The following CELSR1 variants were observed in gnomAD, a reference collection of about 807,000 sequenced individuals.
CELSR1 encodes cadherin EGF LAG seven-pass G-type receptor 1.
In CELSR1, 110 loss-of-function variants were observed where a neutral mutation model predicts 249.1. The observed-to-expected ratio is 0.44, with a 90% CI of 0.38 to 0.52. The LOEUF (loss-of-function observed/expected upper bound fraction) is 0.52. Among genes scored for constraint, CELSR1 ranks in the 20% least tolerant of loss-of-function variants. CELSR1 has a pLI of 0.00. For synonymous variants in CELSR1, 2,113 were observed against 1,900.0 expected (o/e 1.11, Z -2.92); for missense variants, 4,109 against 4,296.4 (o/e 0.96, Z 1.22).
At chr22:46,505,879 C>T (rs562716907) in intron 1 of CELSR1, among the ~76,000 whole-genome samples, 4 of 152,092 alleles carry the variant, frequency 2.6e-5, no homozygotes, top group African/African-American at 9.6e-5. Flanking sequence ...CTTGCCTTCC[C>T]GTCAAAAAGA....
In CELSR1 at chr22:46,369,728, A is replaced by C. The variant is rs764591466; in HGVS notation, c.7836T>G (p.Ile2612Met). ...FCWLSLQDTL[I>M]WSFAGPIGAV... ...CTCCGATGGGCCCCGCAAAGCTCCAAATCAGGGTGTCTTGAAGCGACAGCC... is the reference window on the plus strand; with the variant it reads ...CTCCGATGGGCCCCGCAAAGCTCCACATCAGGGTGTCTTGAAGCGACAGCC... The change falls in exon 26 of 35, where the codon ATT (isoleucine) becomes ATG (methionine). Residue 2612 changes from isoleucine to methionine, a missense_variant. Ile to Met is a conservative substitution (Grantham distance 10, BLOSUM62 1). Coordinates refer to ENST00000674500, the MANE Select transcript of CELSR1 (RefSeq NM_001378328.1). The C allele has an allele frequency of 1.9e-6, 3 of 1,613,344 alleles. No homozygotes were observed. The highest frequency in any genetic ancestry group is 1.7e-5 in the Admixed American group (1 of 60,004).
Position 46,445,998 on chromosome 22 carries a change from T to C in CELSR1, c.4184-6587A>G, listed in dbSNP as rs917001380. Among the ~76,000 whole-genome samples, 7 of 152,152 alleles carry C rather than the reference T, an allele frequency of 4.6e-5. No homozygotes were observed. The highest frequency in any genetic ancestry group is 8.8e-5 in the Non-Finnish European group (6 of 68,016). ...CACAGCCTCCAGACCTACTTGTCCCTTGCCTCGCGACAGCACAGTCCTCCA... is the reference window on the plus strand; with the variant it reads ...CACAGCCTCCAGACCTACTTGTCCCCTGCCTCGCGACAGCACAGTCCTCCA... On this transcript the variant is annotated intron_variant, in intron 2 of 34. Coordinates refer to ENST00000674500, the MANE Select transcript of CELSR1 (RefSeq NM_001378328.1). The surrounding 1 kb of genome is among the most constrained non-coding windows in gnomAD (Gnocchi z 4.4).
At position 46,367,819 on chromosome 22, in the gene CELSR1, G is replaced by A; in HGVS notation, c.7989C>T (p.Leu2663=). 1 of 1,611,752 alleles carries A rather than the reference G, an allele frequency of 6.2e-7. No individual in the cohort carries two copies. Among genetic ancestry groups the A allele is most frequent in the Non-Finnish European group, 8.5e-7 (1 of 1,179,754 alleles). ...GCCCCAGCAGCCAGGTGGCGCTGAT[G>A]AGCAGCAGCAGGAGGAATGCGGTCC... ...LLRTAFLLLL[L]ISATWLLGLL... is the part of the protein sequence containing the mutation. The change falls in exon 28 of 35, where the codon CTC becomes CTT. Residue 2663 remains leucine, a synonymous_variant. Transcript: ENST00000674500.
At chr22:46,505,371 C>T (rs1485079203) in intron 1 of CELSR1, among the ~76,000 whole-genome samples, 1 of 151,192 alleles carries the variant, frequency 6.6e-6, no homozygotes, top group Admixed American at 6.6e-5. Context: ...CGGTGGCTCA[C>T]ACTCATAATC....
rs1353046597 is a variant in CELSR1 at position 46,481,898 on chromosome 22, G to GAGT, written c.3545-17556_3545-17554dup. The GAGT allele has an allele frequency of 4.7e-4, 84 of 177,300 alleles. 1 individual carries two copies. The Middle Eastern group carries it at 0.012, about 26-fold the overall frequency. The allele number at this position is 177,300 out of a possible 1,614,324, so 11.0% of individuals were successfully genotyped here. On this transcript the variant is annotated intron_variant, in intron 1 of 34. Coordinates refer to ENST00000674500, the MANE Select transcript of CELSR1 (RefSeq NM_001378328.1). ...AGAGATTCTCCTGCCTCAGCCTCCC[G>GAGT]AGTAGCTGGGATTACAGGCATGTGC... is the stretch of plus-strand genomic sequence containing the variant.
Position 46,421,462 on chromosome 22 carries a change from G to A in CELSR1, c.4612-9703C>T, listed in dbSNP as rs557412054. Among the ~76,000 whole-genome samples, 46 of 152,268 alleles carry A rather than the reference G, an allele frequency of 3.0e-4. No homozygotes were observed. In the South Asian group the frequency reaches 4.6e-3, roughly 15 times the overall value. ...GTAACACAAAGGCCCAGGGTGGGGC[G>A]GCGCTTGCCTCCGAGAATCACCACG... is the stretch of plus-strand genomic sequence containing the variant. On this transcript the variant is annotated intron_variant, in intron 5 of 34. Transcript: ENST00000674500.
chr22:46,437,187 A>G lies in CELSR1; in HGVS notation c.4407-898T>C, dbSNP rs1379041259. ...CACCTGCTCGGGCAGGAGATCATCAAATTCTCAGAAATCCTTCTCCCACCC... is the reference window on the plus strand; with the variant it reads ...CACCTGCTCGGGCAGGAGATCATCAGATTCTCAGAAATCCTTCTCCCACCC... On this transcript the variant is annotated intron_variant, in intron 3 of 34. Coordinates refer to ENST00000674500, the MANE Select transcript of CELSR1 (RefSeq NM_001378328.1). This position sits in a 1 kb window ranked among gnomAD's most constrained non-coding sequence, Gnocchi z 4.9. Among the ~76,000 whole-genome samples the G allele has an allele frequency of 6.6e-6, 1 of 152,130 alleles. No individual in the cohort carries two copies. The highest frequency in any genetic ancestry group is 1.5e-5 in the Non-Finnish European group (1 of 68,006).
rs780817866 is a variant in CELSR1 at position 46,534,838 on chromosome 22, T to C, written c.2333A>G (p.Asn778Ser). ...TRSHTAHVLI[N>S]VTDANTHRPV... ...CCTGTGGGTGTTGGCATCAGTGACG[T>C]TGATTAGGACATGCGCAGTGTGCGA... The change falls in exon 1 of 35, where the codon AAC (asparagine) becomes AGC (serine). Residue 778 changes from asparagine (N) to serine (S), a missense_variant. Physicochemically the swap from Asn to Ser is conservative, Grantham distance 46. This residue lies in a region of CELSR1 where 886 missense variants were observed against 896.5 expected (regional missense o/e 0.99). Coordinates refer to ENST00000674500, the MANE Select transcript of CELSR1 (RefSeq NM_001378328.1). The surrounding 1 kb of genome is among the most constrained non-coding windows in gnomAD (Gnocchi z 9.7). 4.3e-6 allele frequency: 7 copies of C among 1,612,950 alleles called. No individual in the cohort carries two copies. The East Asian group carries it at 1.3e-4, about 31-fold the overall frequency.
At chr22:46,524,677 C>T (rs1291157550) in intron 1 of CELSR1, among the ~76,000 whole-genome samples, 1 of 152,074 alleles carries the variant, frequency 6.6e-6, no homozygotes, top group Non-Finnish European at 1.5e-5. Context: ...TGCTGTGGGG[C>T]TTTTCCCAGC....
chr22:46,392,954 T>A (rs895358262), intron 14 of CELSR1, among the ~76,000 whole-genome samples: 2 of 152,184 alleles, frequency 1.3e-5, no homozygotes, highest in Non-Finnish European at 2.9e-5. Context: ...ACCACCGCCA[T>A]CTGGTGACGT....
At chr22:46,519,547 T>C (rs2147788832) in intron 1 of CELSR1, among the ~76,000 whole-genome samples, 1 of 152,300 alleles carries the variant, frequency 6.6e-6, no homozygotes, top group African/African-American at 2.4e-5. Context: ...TCCAAGTTGG[T>C]AGAACCAGGC....
chr22:46,379,625 C>T (rs944775860), intron 22 of CELSR1, among the ~76,000 whole-genome samples: 1 of 152,206 alleles, frequency 6.6e-6, no homozygotes, highest in African/African-American at 2.4e-5. Flanking sequence ...TGCTTATTAA[C>T]TAGAACTTGG....
rs993746867 is a variant in CELSR1 at position 46,399,587 on chromosome 22, G to A, written c.5412+130C>T. 35 of 851,252 alleles carry A rather than the reference G, an allele frequency of 4.1e-5. No homozygotes were observed. Among genetic ancestry groups the A allele is most frequent in the Middle Eastern group, 3.6e-4 (1 of 2,786 alleles). 52.7% of individuals were successfully genotyped at this position (851,252 alleles called of 1,614,324 possible). The stretch of plus-strand genomic sequence containing the variant: ...CAGGGCAGAACAGAAGCCCACCTGC[G>A]GGGACCCAGAAAGTGCCTCCCCAAA... On this transcript the variant is annotated intron_variant, in intron 10 of 34. Transcript: ENST00000674500. The surrounding 1 kb of genome is among the most constrained non-coding windows in gnomAD (Gnocchi z 5.0).
chr22:46,442,213 C>T (rs559976891), intron 2 of CELSR1, among the ~76,000 whole-genome samples: 2 of 152,362 alleles, frequency 1.3e-5, no homozygotes, highest in East Asian at 3.9e-4. Flanking sequence ...GTATACCCCC[C>T]ACCCTTCCCC....
At position 46,433,355 on chromosome 22, in the gene CELSR1, G is replaced by A. The variant is rs113164946; in HGVS notation, c.4611+38C>T. On this transcript the variant is annotated intron_variant, in intron 5 of 34. Transcript: ENST00000674500. The surrounding 1 kb of genome is among the most constrained non-coding windows in gnomAD (Gnocchi z 5.7). ...TCGCCCCAGGGCACCTTCTCGAGCC[G>A]CCCTGGGGCCAGGGGGAAGTGGTGG... The A allele has an allele frequency of 7.1e-5, 111 of 1,562,160 alleles. No homozygotes were observed. Among genetic ancestry groups the A allele is most frequent in the African/African-American group, 5.6e-4 (41 of 73,768 alleles).
rs1228718577 is a variant in CELSR1 at position 46,472,457 on chromosome 22, G to A, written c.3545-8112C>T. Among the ~76,000 whole-genome samples the A allele has an allele frequency of 6.6e-6, 1 of 152,168 alleles. No individual in the cohort carries two copies. Among genetic ancestry groups the A allele is most frequent in the Non-Finnish European group, 1.5e-5 (1 of 68,032 alleles). ...CGAGACTCGGTGGCAGGTGATTGGC[G>A]GCTGTGGGTGAAGAGCAGCGCAGCT... On this transcript the variant is annotated intron_variant, in intron 1 of 34. Transcript: ENST00000674500. The surrounding 1 kb of genome is among the most constrained non-coding windows in gnomAD (Gnocchi z 7.0).
rs1299258617 is a variant in CELSR1, at chr22:46,512,159, C to A, written c.3544+21468G>T. 2.0e-5 allele frequency among the ~76,000 whole-genome samples: 3 copies of A among 152,188 alleles called. No individual in the cohort carries two copies. Among genetic ancestry groups the A allele is most frequent in the African/African-American group, 7.2e-5 (3 of 41,422 alleles). ...AGCAGCAGCAAGAGTGACGGCGGCG[C>A]TCATAAGCCCTTACTAAGCGTGCTG... On this transcript the variant is annotated intron_variant, in intron 1 of 34. Coordinates refer to ENST00000674500, the MANE Select transcript of CELSR1 (RefSeq NM_001378328.1). This position sits in a 1 kb window ranked among gnomAD's most constrained non-coding sequence, Gnocchi z 5.2.
chr22:46,464,396 G>C lies in CELSR1; in HGVS notation c.3545-51C>G, dbSNP rs531078987. On this transcript the variant is annotated intron_variant, in intron 1 of 34. Coordinates refer to ENST00000674500, the MANE Select transcript of CELSR1 (RefSeq NM_001378328.1). This position sits in a 1 kb window ranked among gnomAD's most constrained non-coding sequence, Gnocchi z 8.5. ...CATTCAGATGCTGCGGGAGTCACAG[G>C]TCCTATAGGCCCCATCCCAGGAGCA... 2 of 1,566,442 alleles carry C rather than the reference G, an allele frequency of 1.3e-6. No individual in the cohort carries two copies. Among genetic ancestry groups the C allele is most frequent in the African/African-American group, 2.7e-5 (2 of 74,230 alleles).
rs1191526619 is a variant in CELSR1 at position 46,464,245 on chromosome 22, G to C, written c.3645C>G (p.Ser1215=). The change falls in exon 2 of 35, where the codon TCC becomes TCG. Residue 1215 remains serine (S), a synonymous_variant. Coordinates refer to ENST00000674500, the MANE Select transcript of CELSR1 (RefSeq NM_001378328.1). This position sits in a 1 kb window ranked among gnomAD's most constrained non-coding sequence, Gnocchi z 8.5. ...NSITVRLENM[S]QEKFLSPLLA... is the part of the protein sequence containing the mutation. ...GCAGCGGGGACAGGAACTTCTCCTG[G>C]GACATGTTCTCCAGGCGGACAGTGA... The C allele has an allele frequency of 6.2e-7, 1 of 1,613,746 alleles. No individual in the cohort carries two copies. The highest frequency in any genetic ancestry group is 1.1e-5 in the South Asian group (1 of 91,086).
Sources: allele counts gnomAD v4.1 joint callset (sites outside exome capture counted in the v4.1 genomes callset), GRCh38; gene constraint gnomAD v4.1.1; regional missense constraint gnomAD v4.1.1; non-coding constraint Gnocchi (gnomAD v3.1); transcripts MANE v1.5; gene names NCBI Gene and HGNC (gene_info 2026-07-23, HGNC 2026-07-21).